The following NRXN1 variants were observed in gnomAD, a reference collection of about 807,000 sequenced individuals.
NRXN1 encodes the protein neurexin-1.
A neutral mutation model predicts 150.9 loss-of-function variants in NRXN1; 39 were observed. The observed-to-expected ratio is 0.26, with a 90% CI of 0.20 to 0.34. The LOEUF (loss-of-function observed/expected upper bound fraction) is 0.34. Among genes scored for constraint, NRXN1 ranks in the 10% least tolerant of loss-of-function variants. The pLI is 1.00. For synonymous variants in NRXN1, 924 were observed against 757.0 expected (o/e 1.22, Z -3.62); for missense variants, 1,815 against 1,949.9 (o/e 0.93, Z 1.30).
At chr2:50,142,993 A>T (rs1279087768) in intron 18 of NRXN1, among the ~76,000 whole-genome samples, 2 of 151,954 alleles carry the variant, frequency 1.3e-5, no homozygotes, top group African/African-American at 4.8e-5. Context: ...ACTAAGAAAA[A>T]ATAATATGAC....
intron 17 of NRXN1, among the ~76,000 whole-genome samples, chr2:50,316,583 A>T (rs1291545463): frequency 6.6e-6 from 1 of 152,044 alleles, no homozygotes; most frequent in Non-Finnish European, 1.5e-5. Flanking sequence ...AACAAAGCAG[A>T]TTTTATAACT....
chr2:50,286,341 G>T (rs1269109824), intron 17 of NRXN1, among the ~76,000 whole-genome samples: 2 of 152,020 alleles, frequency 1.3e-5, no homozygotes, highest in African/African-American at 4.8e-5. Context: ...CTACTTCTGA[G>T]ATCAACTTTT....
At chr2:50,271,462 T>C (rs1178522966) in intron 17 of NRXN1, among the ~76,000 whole-genome samples, 5 of 152,184 alleles carry the variant, frequency 3.3e-5, no homozygotes, top group African/African-American at 1.2e-4. Context: ...AGAGCTATTT[T>C]AGGAATGGTT....
At chr2:50,983,126 G>T (rs1244190551) in intron 2 of NRXN1, among the ~76,000 whole-genome samples, 1 of 151,928 alleles carries the variant, frequency 6.6e-6, no homozygotes, top group African/African-American at 2.4e-5. Context: ...AATCACAGAA[G>T]ATTTACTAAT....
At chr2:50,780,203 T>G (rs779500053) in intron 5 of NRXN1, among the ~76,000 whole-genome samples, 35 of 152,232 alleles carry the variant, frequency 2.3e-4, no homozygotes, top group African/African-American at 9.6e-5. Context: ...ACACCCACTT[T>G]TCTTGTAAAT....
intron 21 of NRXN1, among the ~76,000 whole-genome samples, chr2:49,993,765 A>G (rs960801668): frequency 1.3e-5 from 2 of 152,188 alleles, no homozygotes; most frequent in Non-Finnish European, 2.9e-5. Flanking sequence ...AAATAGAAAA[A>G]CGTAAGGCAA....
intron 5 of NRXN1, among the ~76,000 whole-genome samples, chr2:50,870,766 C>T (rs1199864368): frequency 6.6e-6 from 1 of 151,798 alleles, no homozygotes; most frequent in Non-Finnish European, 1.5e-5. Flanking sequence ...TCACTCATCA[C>T]ATCCCTTTTG....
intron 5 of NRXN1, among the ~76,000 whole-genome samples, chr2:50,828,488 C>T (rs1348186235): frequency 5.3e-5 from 8 of 150,082 alleles, no homozygotes; most frequent in Non-Finnish European, 1.2e-4. Flanking sequence ...GGTTGCCAGG[C>T]GGAGGGTCTC....
rs950468623 is a variant in NRXN1, at chr2:50,540,467, A to G, written c.1760-1831T>C. Among the ~76,000 whole-genome samples the G allele has an allele frequency of 4.7e-5, 7 of 150,534 alleles. No homozygotes were observed. The East Asian group carries it at 1.4e-3, about 29-fold the overall frequency. On this transcript the variant is annotated intron_variant, in intron 9 of 22. Coordinates refer to ENST00000401669, the MANE Select transcript of NRXN1 (RefSeq NM_001330078.2). ...ATCATTACACGCATTTTAAAGCATC[A>G]TTTTTTATATAGCCCTATTCAAAAT...
chr2:50,907,053 A>G (rs1274000881), intron 5 of NRXN1, among the ~76,000 whole-genome samples: 1 of 151,994 alleles, frequency 6.6e-6, no homozygotes, highest in East Asian at 1.9e-4. Context: ...AGAAACTAAA[A>G]GTCTTCTCCC....
chr2:50,432,852 G>C (rs1261499921), intron 17 of NRXN1, among the ~76,000 whole-genome samples: 1 of 152,104 alleles, frequency 6.6e-6, no homozygotes, highest in Non-Finnish European at 1.5e-5. Flanking sequence ...TTAACCAACA[G>C]CTATACTCTC....
At chr2:50,159,675 T>C (rs1380769241) in intron 18 of NRXN1, among the ~76,000 whole-genome samples, 1 of 152,148 alleles carries the variant, frequency 6.6e-6, no homozygotes, top group East Asian at 1.9e-4. Flanking sequence ...GATGCAACCT[T>C]GTCTTTCATT....
chr2:50,300,262 T>G (rs1247811297), intron 17 of NRXN1, among the ~76,000 whole-genome samples: 1 of 152,238 alleles, frequency 6.6e-6, no homozygotes, highest in Non-Finnish European at 1.5e-5. Context: ...AAGACCACCC[T>G]GATCCTAGTG....
chr2:50,318,397 C>A (rs899353359), intron 17 of NRXN1, among the ~76,000 whole-genome samples: 1 of 152,084 alleles, frequency 6.6e-6, no homozygotes, highest in African/African-American at 2.4e-5. Context: ...ACATGTGCAT[C>A]CTGTATGCAT....
chr2:50,254,170 C>G (rs2067452039), intron 17 of NRXN1, among the ~76,000 whole-genome samples: 1 of 151,814 alleles, frequency 6.6e-6, no homozygotes, highest in Non-Finnish European at 1.5e-5. Flanking sequence ...GGAATTTATC[C>G]ATATTCTCTA....
chr2:50,528,789 T>C (rs1044951944), intron 11 of NRXN1, 138 bp from the exon 12 acceptor site: 17 of 562,744 alleles, frequency 3.0e-5, no homozygotes, highest in Middle Eastern at 2.7e-4. Flanking sequence ...ATTCTTTACA[T>C]ACTTATAAAG....
chr2:50,348,077 T>C (rs1008071145), intron 17 of NRXN1, among the ~76,000 whole-genome samples: 4 of 152,210 alleles, frequency 2.6e-5, no homozygotes, highest in Non-Finnish European at 4.4e-5. Flanking sequence ...TCTTTAGAGA[T>C]CTTAAAAGGG....
At chr2:50,928,677 C>T (rs1405147415) in intron 2 of NRXN1, among the ~76,000 whole-genome samples, 2 of 152,020 alleles carry the variant, frequency 1.3e-5, no homozygotes, top group Non-Finnish European at 2.9e-5. Context: ...GCAACAAAGA[C>T]AGGTGCTGAA....
intron 21 of NRXN1, among the ~76,000 whole-genome samples, chr2:49,949,630 T>C (rs1673570230): frequency 6.6e-6 from 1 of 151,888 alleles, no homozygotes; most frequent in Non-Finnish European, 1.5e-5. Context: ...AAACCCGATT[T>C]ATTCTAAAAT....
Sources: gnomAD v4.1 joint callset for allele counts (sites outside exome capture counted in the v4.1 genomes callset) on GRCh38, gnomAD v4.1.1 for gene constraint, MANE v1.5 for transcripts, NCBI Gene and HGNC (gene_info 2026-07-23, HGNC 2026-07-21) for gene names.